The following SUCLA2 variants were observed in gnomAD, a reference collection of about 807,000 sequenced individuals.
The protein encoded by SUCLA2 is succinate-CoA ligase ADP-forming subunit beta.
Under a neutral mutation model 54.8 loss-of-function variants are expected in SUCLA2, and 30 were observed. The ratio of observed to expected loss-of-function variants is 0.55; its 90% CI spans 0.41 to 0.74. SUCLA2 has a LOEUF of 0.74. SUCLA2 is among the 30% of genes least tolerant of loss of function. SUCLA2 has a pLI of 0.00. For missense variants in SUCLA2, 476 were observed against 562.9 expected, an observed-to-expected ratio of 0.85 and a Z score of 1.56; for synonymous variants, 172 against 188.9, an observed-to-expected ratio of 0.91 and a Z score of 0.74.
At chr13:47,983,436 C>T (rs1164257117) in intron 4 of SUCLA2, among the ~76,000 whole-genome samples, 1 of 151,292 alleles carries the variant, frequency 6.6e-6, no homozygotes, top group Non-Finnish European at 1.5e-5. Flanking sequence ...AGGAGAGGTA[C>T]AGACCAACAA....
chr13:47,967,904 T>C (rs1949932612), intron 6 of SUCLA2, among the ~76,000 whole-genome samples: 2 of 149,298 alleles, frequency 1.3e-5, no homozygotes, highest in African/African-American at 4.9e-5. Context: ...CAAAAATATT[T>C]CCCCAAAAAT....
chr13:47,990,577 C>G (rs1199317604), intron 2 of SUCLA2, among the ~76,000 whole-genome samples: 1 of 152,172 alleles, frequency 6.6e-6, no homozygotes, highest in African/African-American at 2.4e-5. Flanking sequence ...GTGGCACCAA[C>G]TATACATTAT....
At chr13:47,971,661 AAAG>A (rs1045939482) in intron 5 of SUCLA2, 1 of 373,464 alleles carries the variant, frequency 2.7e-6, no homozygotes, top group East Asian at 3.7e-5. Flanking sequence ...GAAAGAATTG[AAAG>A]AAGGACCACA....
intron 10 of SUCLA2, among the ~76,000 whole-genome samples, chr13:47,946,485 G>T (rs1949732605): frequency 6.6e-6 from 1 of 151,414 alleles, no homozygotes; most frequent in African/African-American, 2.4e-5. Flanking sequence ...GAAGTAAAGA[G>T]GGAAATATAT....
intron 6 of SUCLA2, among the ~76,000 whole-genome samples, chr13:47,964,938 TATTGTAAGTTAA>T: frequency 6.7e-6 from 1 of 150,288 alleles, no homozygotes; most frequent in Non-Finnish European, 1.5e-5. Flanking sequence ...TTTGTTTCAA[TATTGTAAGTTAA>T]ATTATAATTT....
At chr13:47,962,970 C>G (rs1299626951) in intron 6 of SUCLA2, among the ~76,000 whole-genome samples, 2 of 152,054 alleles carry the variant, frequency 1.3e-5, no homozygotes, top group Non-Finnish European at 2.9e-5. Flanking sequence ...ACGTATTCAT[C>G]ATGACTGCTT....
intron 4 of SUCLA2, among the ~76,000 whole-genome samples, chr13:47,984,132 A>G (rs371055128): frequency 3.4e-4 from 52 of 152,294 alleles, no homozygotes; most frequent in Middle Eastern, 3.4e-3. Flanking sequence ...ATAAACTTTC[A>G]AAACAATTTC....
At chr13:47,986,029 GTTTTTTTTT>G (rs36000556) in intron 4 of SUCLA2, among the ~76,000 whole-genome samples, 2 of 122,230 alleles carry the variant, frequency 1.6e-5, no homozygotes, top group South Asian at 5.4e-4. Context: ...CATATGTATA[GTTTTTTTTT>G]TTTTTTTTTT....
intron 5 of SUCLA2, among the ~76,000 whole-genome samples, chr13:47,970,983 T>A (rs9526425): frequency 6.6e-6 from 1 of 152,142 alleles, no homozygotes; most frequent in South Asian, 2.1e-4. Context: ...TTGCAGTGAG[T>A]CAGGATCGCG....
At chr13:47,979,873 C>T (rs910243697) in intron 4 of SUCLA2, among the ~76,000 whole-genome samples, 15 of 152,108 alleles carry the variant, frequency 9.9e-5, no homozygotes, top group African/African-American at 3.1e-4. Context: ...ATGTAGAAAT[C>T]CCTAAAGATT....
chr13:47,980,795 A>G (rs1950055545), intron 4 of SUCLA2, among the ~76,000 whole-genome samples: 1 of 152,200 alleles, frequency 6.6e-6, no homozygotes. Context: ...CCTAAGGTAT[A>G]TGATTAAATG....
chr13:47,983,744 C>G (rs931230199), intron 4 of SUCLA2, among the ~76,000 whole-genome samples: 1 of 152,146 alleles, frequency 6.6e-6, no homozygotes, highest in African/African-American at 2.4e-5. Flanking sequence ...CCGCCTCGGC[C>G]TCTCAAAGTG....
At chr13:47,994,246 G>A (rs182608245) in intron 2 of SUCLA2, among the ~76,000 whole-genome samples, 3 of 151,528 alleles carry the variant, frequency 2.0e-5, no homozygotes, top group Admixed American at 6.6e-5. Context: ...TCCCATAATC[G>A]TTATCTTTTG....
chr13:47,943,825 G>A (rs1295852272), intron 10 of SUCLA2, among the ~76,000 whole-genome samples: 1 of 148,946 alleles, frequency 6.7e-6, no homozygotes, highest in East Asian at 2.0e-4. Flanking sequence ...GAGTGTCTTT[G>A]TTGGATACTC....
At chr13:47,954,912 A>G (rs952799951) in intron 6 of SUCLA2, among the ~76,000 whole-genome samples, 4 of 152,052 alleles carry the variant, frequency 2.6e-5, no homozygotes, top group Admixed American at 2.6e-4. Context: ...CCTCTACTCA[A>G]AAATAATGTT....
chr13:47,968,854 A>G lies in SUCLA2; in HGVS notation c.664-121T>C, dbSNP rs922542509. The G allele has an allele frequency of 1.5e-4, 164 of 1,130,328 alleles. No individual in the cohort carries two copies. In the African/African-American group the frequency reaches 2.4e-3, roughly 17 times the overall value. The allele number at this position is 1,130,328 out of a possible 1,614,324, so 70.0% of individuals were successfully genotyped here. A position where few individuals can be genotyped will look rare whatever the true frequency, so the allele number is the denominator to read the frequency against. ...AAACATGAGTCATTTATAGTCAAACATTACTGAAATAGCAGCTACCATTAC... is the reference window on the plus strand; with the variant it reads ...AAACATGAGTCATTTATAGTCAAACGTTACTGAAATAGCAGCTACCATTAC... On this transcript the variant is annotated intron_variant, in intron 5 of 10. Coordinates refer to ENST00000646932, the MANE Select transcript of SUCLA2 (RefSeq NM_003850.3).
At chr13:47,951,130 A>T (rs1949772085) in intron 8 of SUCLA2, among the ~76,000 whole-genome samples, 1 of 152,162 alleles carries the variant, frequency 6.6e-6, no homozygotes, top group South Asian at 2.1e-4. Flanking sequence ...TTTCACCTGT[A>T]GTCAATTTAA....
chr13:47,998,219 G>A (rs1315252515), intron 1 of SUCLA2, among the ~76,000 whole-genome samples: 2 of 151,234 alleles, frequency 1.3e-5, no homozygotes, highest in Non-Finnish European at 2.9e-5. Context: ...TGAGACTGCA[G>A]TGAGCTGTGA....
At chr13:47,984,959 T>G (rs1950089315) in intron 4 of SUCLA2, among the ~76,000 whole-genome samples, 1 of 152,154 alleles carries the variant, frequency 6.6e-6, no homozygotes, top group Admixed American at 6.5e-5. Context: ...GTAGTAAATG[T>G]GATTTATTAA....
Sources: gnomAD v4.1 joint callset for allele counts (sites outside exome capture counted in the v4.1 genomes callset) on GRCh38, gnomAD v4.1.1 for gene constraint, MANE v1.5 for transcripts, NCBI Gene and HGNC (gene_info 2026-07-23, HGNC 2026-07-21) for gene names.